The following ZNF738 variants were observed in gnomAD, a reference collection of about 807,000 sequenced individuals.
ZNF738 encodes zinc finger protein 738, also known as protein ZNF738.
ZNF738 carries 10 observed loss-of-function variants against 9.2 expected under a neutral mutation model. That is an observed-to-expected ratio of 1.09 (90% CI 0.67 to 1.85). The LOEUF (loss-of-function observed/expected upper bound fraction) is 1.85, where lower values mean the gene tolerates loss of function less well. ZNF738 is among the 40% of genes most tolerant of loss of function. The pLI, the probability that ZNF738 is intolerant of heterozygous loss-of-function variation, is 0.00. For synonymous variants in ZNF738, 113 were observed against 94.5 expected, an observed-to-expected ratio of 1.20 and a Z score of -1.14; for missense variants, 346 against 283.6, an observed-to-expected ratio of 1.22 and a Z score of -1.58.
Position 21,360,901 on chromosome 19 carries a change from C to T in ZNF738, c.4-865C>T, listed in dbSNP as rs561255647. ...CACATTCTCGGCTCACCACAACCTC[C>T]GCCTCCGGGTTCACGAGGTTCTCAT... On this transcript the variant is annotated intron_variant, in intron 1 of 4. Coordinates refer to ENST00000683779, the MANE Select transcript of ZNF738 (RefSeq NM_001355237.2). 5.9e-5 allele frequency among the ~76,000 whole-genome samples: 9 copies of T among 152,030 alleles called. No individual in the cohort carries two copies. In the South Asian group the frequency reaches 1.0e-3, roughly 18 times the overall value.
intron 1 of ZNF738, among the ~76,000 whole-genome samples, chr19:21,361,058 C>T (rs1212908369): frequency 1.3e-5 from 2 of 151,628 alleles, no homozygotes; most frequent in Non-Finnish European, 2.9e-5. Flanking sequence ...AGGTGATCCG[C>T]CCGCCTTGGC....
chr19:21,365,712 T>C (rs143191696), intron 2 of ZNF738, among the ~76,000 whole-genome samples: 2,055 of 152,164 alleles, frequency 0.014, 54 homozygotes, highest in African/African-American at 0.046. Context: ...ATCCAAGCAC[T>C]CTGAGAAGCC....
At position 21,383,880 on chromosome 19, in the gene ZNF738, C is replaced by G; in HGVS notation, c.*206C>G. On this transcript the variant is annotated 3_prime_UTR_variant, in exon 5 of 5. Coordinates refer to ENST00000683779, the MANE Select transcript of ZNF738 (RefSeq NM_001355237.2). ...CTTCAGATTCTCATACCTTACTACACATAAGATAATTCATACTGGAGAGAA... is the reference window on the plus strand; with the variant it reads ...CTTCAGATTCTCATACCTTACTACAGATAAGATAATTCATACTGGAGAGAA... The G allele has an allele frequency of 2.8e-6, 4 of 1,414,378 alleles. No homozygotes were observed. Among genetic ancestry groups the G allele is most frequent in the Non-Finnish European group, 4.0e-6 (4 of 1,003,476 alleles). 87.6% of individuals were successfully genotyped at this position (1,414,378 alleles called of 1,614,324 possible). A position where few individuals can be genotyped will look rare whatever the true frequency, so the allele number is the denominator to read the frequency against.
Position 21,383,795 on chromosome 19 carries a change from A to G in ZNF738, c.*121A>G, listed in dbSNP as rs1974035208. 1.6e-6 allele frequency: 2 copies of G among 1,213,978 alleles called. No individual in the cohort carries two copies. Among genetic ancestry groups the G allele is most frequent in the East Asian group, 2.4e-5 (1 of 42,218 alleles). The allele number at this position is 1,213,978 out of a possible 1,614,324, so 75.2% of individuals were successfully genotyped here. A position where few individuals can be genotyped will look rare whatever the true frequency, so the allele number is the denominator to read the frequency against. On this transcript the variant is annotated 3_prime_UTR_variant, in exon 5 of 5. Coordinates refer to ENST00000683779, the MANE Select transcript of ZNF738 (RefSeq NM_001355237.2). ...TTTTAAACAGTCCTCAAACCTTACT[A>G]CTCATGAAAATTCATTCTGGAGAGA...
rs1973947565 is a variant in ZNF738 at position 21,377,586 on chromosome 19, C to A, written c.319+1622C>A. 4.8e-5 allele frequency: 23 copies of A among 478,960 alleles called. No homozygotes were observed. The South Asian group carries it at 8.7e-4, about 18-fold the overall frequency. The allele number at this position is 478,960 out of a possible 1,614,324, so 29.7% of individuals were successfully genotyped here. On this transcript the variant is annotated intron_variant, in intron 4 of 4. Transcript: ENST00000683779. ...AAATCTATTATTGTTTAATGTCTTTCTTTGTCTCTTTGCAGTTTTGACTTA... is the reference window on the plus strand; with the variant it reads ...AAATCTATTATTGTTTAATGTCTTTATTTGTCTCTTTGCAGTTTTGACTTA...
At chr19:21,368,881 T>G (rs761878547) in intron 2 of ZNF738, among the ~76,000 whole-genome samples, 1 of 152,078 alleles carries the variant, frequency 6.6e-6, no homozygotes, top group Non-Finnish European at 1.5e-5. Flanking sequence ...GGATTACAGA[T>G]ACTTGCCACG....
At chr19:21,373,287 ATTG>A (rs1179043332) in intron 2 of ZNF738, among the ~76,000 whole-genome samples, 9 of 152,108 alleles carry the variant, frequency 5.9e-5, no homozygotes, top group African/African-American at 2.2e-4. Flanking sequence ...GGTTCTGTTT[ATTG>A]TTCTAGGTGA....
chr19:21,378,064 A>G (rs1973956302), intron 4 of ZNF738: 3 of 397,324 alleles, frequency 7.6e-6, no homozygotes, highest in East Asian at 3.6e-5. Flanking sequence ...AAGAGATACA[A>G]TGTATTTCAG....
intron 2 of ZNF738, among the ~76,000 whole-genome samples, chr19:21,365,451 C>T (rs545728470): frequency 1.3e-5 from 2 of 152,174 alleles, no homozygotes; most frequent in African/African-American, 4.8e-5. Flanking sequence ...AAAAAAACCC[C>T]TTAATCATAA....
At chr19:21,359,235 G>T in intron 1 of ZNF738, 92 bp downstream of exon 1, 1 of 879,198 alleles carries the variant, frequency 1.1e-6, no homozygotes, top group Non-Finnish European at 2.0e-6. Flanking sequence ...CCTCCCCGCA[G>T]TCAGCTCTAC....
In ZNF738 at chr19:21,383,646, C is replaced by CT. The variant is rs1974033639; in HGVS notation, c.1101dup (p.Gly368TrpfsTer8). 1 of 962,940 alleles carries CT rather than the reference C, an allele frequency of 1.0e-6. No individual in the cohort carries two copies. The highest frequency in any genetic ancestry group is 1.7e-6 in the Non-Finnish European group (1 of 605,280). The allele number at this position is 962,940 out of a possible 1,614,324, so 59.6% of individuals were successfully genotyped here. Reference sequence around the variant, plus strand: ...CTTACCAGACATAAGATAATTCATACTGGAGAGAAACCCTACAAATGTGAA... The same window carrying CT: ...CTTACCAGACATAAGATAATTCATACTTGGAGAGAAACCCTACAAATGTGAA... On this transcript the variant is annotated frameshift_variant, in exon 5 of 5. Transcript: ENST00000683779. LOFTEE classifies it high-confidence loss of function.
At chr19:21,374,011 C>T (rs1264476497) in intron 2 of ZNF738, among the ~76,000 whole-genome samples, 5 of 152,120 alleles carry the variant, frequency 3.3e-5, no homozygotes, top group South Asian at 2.1e-4. Context: ...GCTTCTTATA[C>T]GCCATGCAGA....
intron 4 of ZNF738, among the ~76,000 whole-genome samples, chr19:21,376,867 G>A (rs975552054): frequency 8.6e-5 from 13 of 151,814 alleles, no homozygotes; most frequent in Non-Finnish European, 1.9e-4. Flanking sequence ...GTCATAGGAT[G>A]TAATTCATAA....
At position 21,386,629 on chromosome 19, in the gene ZNF738, T is replaced by C. The variant is rs1974070819; in HGVS notation, c.*2955T>C. On this transcript the variant is annotated 3_prime_UTR_variant, in exon 5 of 5. Coordinates refer to ENST00000683779, the MANE Select transcript of ZNF738 (RefSeq NM_001355237.2). ...AAAGCCTTTAACCAGTCCTCAATTC[T>C]TACCAAACATAAGAAAATTCATATT... 1 of 240,752 alleles carries C rather than the reference T, an allele frequency of 4.2e-6. No individual in the cohort carries two copies. Among genetic ancestry groups the C allele is most frequent in the Non-Finnish European group, 9.1e-6 (1 of 110,240 alleles). The allele number at this position is 240,752 out of a possible 1,614,324, so 14.9% of individuals were successfully genotyped here.
chr19:21,368,469 CT>C (rs1449831446), intron 2 of ZNF738, among the ~76,000 whole-genome samples: 1 of 149,996 alleles, frequency 6.7e-6, no homozygotes, highest in East Asian at 1.9e-4. Context: ...CTTTTTTTTT[CT>C]TTTTTTTGAG....
At chr19:21,369,737 G>C (rs910146248) in intron 2 of ZNF738, among the ~76,000 whole-genome samples, 3 of 151,394 alleles carry the variant, frequency 2.0e-5, no homozygotes, top group African/African-American at 7.3e-5. Flanking sequence ...CTATGAGTCT[G>C]TTTTTATGCC....
At chr19:21,368,481 A>C (rs1973815820) in intron 2 of ZNF738, among the ~76,000 whole-genome samples, 1 of 150,456 alleles carries the variant, frequency 6.6e-6, no homozygotes, top group Non-Finnish European at 1.5e-5. Flanking sequence ...TTTTTTTGAG[A>C]CGTAGTTCTG....
chr19:21,373,626 G>T (rs1472831802), intron 2 of ZNF738, among the ~76,000 whole-genome samples: 1 of 152,210 alleles, frequency 6.6e-6, no homozygotes, highest in Non-Finnish European at 1.5e-5. Context: ...TTTTTCTGCA[G>T]TTCTTAGTTC....
At chr19:21,380,268 TAAAAA>T (rs1973987537) in intron 4 of ZNF738, among the ~76,000 whole-genome samples, 1 of 152,096 alleles carries the variant, frequency 6.6e-6, no homozygotes, top group Non-Finnish European at 1.5e-5. Flanking sequence ...CAAAATAAAA[TAAAAA>T]TAATATGATC....
Sources: gnomAD v4.1 joint callset for allele counts (sites outside exome capture counted in the v4.1 genomes callset) on GRCh38, gnomAD v4.1.1 for gene constraint, MANE v1.5 for transcripts, NCBI Gene and HGNC (gene_info 2026-07-23, HGNC 2026-07-21) for gene names.